Variants in KCNN3 observed in about 807,000 individuals in gnomAD.
KCNN3 encodes potassium calcium-activated channel subfamily N member 3, also known as small conductance calcium-activated potassium channel protein 3.
A neutral mutation model predicts 62.9 loss-of-function variants in KCNN3; 16 were observed. That is an observed-to-expected ratio of 0.25 (90% confidence interval 0.17 to 0.39). The LOEUF is 0.39. Among genes scored for constraint, KCNN3 ranks in the 10% least tolerant of loss-of-function variants. KCNN3 has a pLI of 1.00. For synonymous variants in KCNN3, 370 were observed against 389.2 expected, an observed-to-expected ratio of 0.95 and a Z score of 0.58; for missense variants, 599 against 949.4, an observed-to-expected ratio of 0.63 and a Z score of 4.85.
At chr1:154,829,229 A>G (rs995269062) in intron 1 of KCNN3, among the ~76,000 whole-genome samples, 3 of 152,236 alleles carry the variant, frequency 2.0e-5, no homozygotes, top group Non-Finnish European at 4.4e-5. Context: ...TGGAGGACAC[A>G]TCAGGCTGGG....
Position 154,870,020 on chromosome 1 carries a change from G to T in KCNN3, c.-56C>A. 7 of 1,570,018 alleles carry T rather than the reference G, an allele frequency of 4.5e-6. No homozygotes were observed. The highest frequency in any genetic ancestry group is 5.2e-6 in the Non-Finnish European group (6 of 1,151,498). ...AAGCCCCCACCCCAAAGCCACCCTC[G>T]CTCCAAAGATGTCCTCAAAGAAAGC... is the stretch of plus-strand genomic sequence containing the variant. On this transcript the variant is annotated 5_prime_UTR_variant, in exon 1 of 8. Coordinates refer to ENST00000271915, the MANE Select transcript of KCNN3 (RefSeq NM_002249.6).
At position 154,732,058 on chromosome 1, in the gene KCNN3, GT is replaced by G. The variant is rs796079059; in HGVS notation, c.1590+944del. On this transcript the variant is annotated intron_variant, in intron 4 of 7. Transcript: ENST00000271915. ...GGACACCACCAACACTGACCTGTGT[GT>G]GGCCGCTTCTCGTTTTCAAAGCACT... is the stretch of plus-strand genomic sequence containing the variant. Among the ~76,000 whole-genome samples the G allele has an allele frequency of 1.1e-4, 17 of 152,340 alleles. 3 individuals are homozygous for G. The highest frequency in any genetic ancestry group is 3.6e-4 in the African/African-American group (15 of 41,572).
chr1:154,772,000 C>A lies in KCNN3; in HGVS notation c.1423G>T (p.Ala475Ser), dbSNP rs1648580628. The A allele has an allele frequency of 6.2e-7, 1 of 1,614,146 alleles. No homozygotes were observed. Among genetic ancestry groups the A allele is most frequent in the Non-Finnish European group, 8.5e-7 (1 of 1,180,040 alleles). The change falls in exon 3 of 8, where the codon GCC becomes TCC. Residue 475 changes from alanine (A) to serine (S), a missense_variant. Physicochemically the swap from Ala to Ser is moderately conservative, Grantham distance 99. Around this residue, in one of 7 missense-constraint regions of KCNN3, gnomAD observed 288 missense variants for 557.4 expected, o/e 0.52. Transcript: ENST00000271915. Reference sequence around the variant, plus strand: ...CTTTCACAGACACGGACGGTCCAGGCAGCAATGATCCACAGAGAGATGCTG... The same window carrying A: ...CTTTCACAGACACGGACGGTCCAGGAAGCAATGATCCACAGAGAGATGCTG... ...VFSISLWIIA[A>S]WTVRVCERYH... is the part of the protein sequence containing the mutation.
At chr1:154,794,660 T>C (rs1010628477) in intron 2 of KCNN3, among the ~76,000 whole-genome samples, 3 of 152,182 alleles carry the variant, frequency 2.0e-5, no homozygotes, top group African/African-American at 4.8e-5. Flanking sequence ...TTTTGGTCCA[T>C]GGATCAACCA....
At chr1:154,842,378 A>G (rs1311419730) in intron 1 of KCNN3, among the ~76,000 whole-genome samples, 1 of 152,098 alleles carries the variant, frequency 6.6e-6, no homozygotes, top group East Asian at 1.9e-4. Flanking sequence ...CAGTGCACCT[A>G]TTGAACATAC....
chr1:154,697,529 G>C lies in KCNN3; in HGVS notation c.*10447C>G, dbSNP rs548781659. Reference sequence around the variant, plus strand: ...CCATAATATTATATTAGCATATGCCGTAACATTTAAAAATGCCCATTCTCT... The same window carrying C: ...CCATAATATTATATTAGCATATGCCCTAACATTTAAAAATGCCCATTCTCT... On this transcript the variant is annotated 3_prime_UTR_variant, in exon 8 of 8. Transcript: ENST00000271915. 1.3e-5 allele frequency: 2 copies of C among 152,172 alleles called. No homozygotes were observed. The highest frequency in any genetic ancestry group is 4.1e-4 in the South Asian group (2 of 4,828). The allele number at this position is 152,172 out of a possible 1,614,324, so 9.4% of individuals were successfully genotyped here.
intron 3 of KCNN3, among the ~76,000 whole-genome samples, chr1:154,745,532 A>C (rs1700920430): frequency 6.6e-6 from 1 of 152,226 alleles, no homozygotes; most frequent in Non-Finnish European, 1.5e-5. Context: ...AAGCTTCAAC[A>C]CCAGCACTGG....
At chr1:154,764,808 G>C (rs1648182517) in intron 3 of KCNN3, among the ~76,000 whole-genome samples, 1 of 152,088 alleles carries the variant, frequency 6.6e-6, no homozygotes, top group South Asian at 2.1e-4. Context: ...GTTTAGTCTT[G>C]ATTTCATGTT....
chr1:154,779,308 G>A (rs1648924371), intron 2 of KCNN3, among the ~76,000 whole-genome samples: 1 of 152,210 alleles, frequency 6.6e-6, no homozygotes, highest in African/African-American at 2.4e-5. Context: ...GCCAGGTCAT[G>A]TGCCTACTGT....
At chr1:154,848,991 T>C (rs1225118899) in intron 1 of KCNN3, among the ~76,000 whole-genome samples, 1 of 152,168 alleles carries the variant, frequency 6.6e-6, no homozygotes, top group Non-Finnish European at 1.5e-5. Flanking sequence ...TTCTCAGAGC[T>C]TCAATATATT....
chr1:154,855,552 A>G (rs941995754), intron 1 of KCNN3, among the ~76,000 whole-genome samples: 30 of 152,212 alleles, frequency 2.0e-4, no homozygotes, highest in African/African-American at 6.0e-4. Flanking sequence ...ACAGTATTCA[A>G]TACAGGCCTG....
At chr1:154,765,702 C>A (rs934909112) in intron 3 of KCNN3, among the ~76,000 whole-genome samples, 1 of 150,142 alleles carries the variant, frequency 6.7e-6, no homozygotes, top group African/African-American at 2.5e-5. Context: ...AATCTCTGCT[C>A]GCTGCACTCT....
At chr1:154,861,906 C>T (rs963687885) in intron 1 of KCNN3, among the ~76,000 whole-genome samples, 7 of 152,158 alleles carry the variant, frequency 4.6e-5, no homozygotes, top group Non-Finnish European at 8.8e-5. Flanking sequence ...ACAAAGATCA[C>T]ACAACAAGCT....
intron 3 of KCNN3, among the ~76,000 whole-genome samples, chr1:154,765,701 T>C (rs892714050): frequency 6.6e-6 from 1 of 150,638 alleles, no homozygotes; most frequent in African/African-American, 2.4e-5. Context: ...CAATCTCTGC[T>C]CGCTGCACTC....
chr1:154,845,605 C>T (rs917321230), intron 1 of KCNN3, among the ~76,000 whole-genome samples: 11 of 152,292 alleles, frequency 7.2e-5, no homozygotes, highest in South Asian at 2.1e-4. Flanking sequence ...GCTTCTGCAA[C>T]GGACGCAGCA....
At chr1:154,806,331 T>C (rs1388660694) in intron 2 of KCNN3, among the ~76,000 whole-genome samples, 1 of 152,210 alleles carries the variant, frequency 6.6e-6, no homozygotes, top group East Asian at 1.9e-4. Context: ...GGTGATCTCC[T>C]TAGCAAGGAG....
In KCNN3 at chr1:154,704,861, A is replaced by C. The variant is rs1699938001; in HGVS notation, c.*3115T>G. 1 of 149,450 alleles carries C rather than the reference A, an allele frequency of 6.7e-6. No individual in the cohort carries two copies. Among genetic ancestry groups the C allele is most frequent in the South Asian group, 2.1e-4 (1 of 4,722 alleles). 9.3% of individuals were successfully genotyped at this position (149,450 alleles called of 1,614,324 possible). A position where few individuals can be genotyped will look rare whatever the true frequency, so the allele number is the denominator to read the frequency against. ...ACGATCTTGGCTCACTGCAACCTCC[A>C]CTTCCGGGGTTCAAGTGATTCTCCT... On this transcript the variant is annotated 3_prime_UTR_variant, in exon 8 of 8. Coordinates refer to ENST00000271915, the MANE Select transcript of KCNN3 (RefSeq NM_002249.6).
chr1:154,793,788 A>G (rs1416409400), intron 2 of KCNN3, among the ~76,000 whole-genome samples: 1 of 152,184 alleles, frequency 6.6e-6, no homozygotes, highest in Non-Finnish European at 1.5e-5. Context: ...GACTTAGTCA[A>G]GGAATACTAA....
intron 2 of KCNN3, among the ~76,000 whole-genome samples, chr1:154,814,438 A>ACGCAGG (rs1374256797): frequency 0.011 from 1,622 of 152,272 alleles, 21 homozygotes; most frequent in African/African-American, 0.038. Flanking sequence ...AACCAACATA[A>ACGCAGG]GACACGCAGG....
Sources: allele counts gnomAD v4.1 joint callset (sites outside exome capture counted in the v4.1 genomes callset), GRCh38; gene constraint gnomAD v4.1.1; regional missense constraint gnomAD v4.1.1; transcripts MANE v1.5; gene names NCBI Gene and HGNC (gene_info 2026-07-23, HGNC 2026-07-21).